The following SMAD7 variants were observed in gnomAD, a reference collection of about 807,000 sequenced individuals.
SMAD7 encodes the protein MAD (mothers against decapentaplegic, Drosophila) homolog 7.
SMAD7 carries 8 observed loss-of-function variants against 38.7 expected under a neutral mutation model. That is an observed-to-expected ratio of 0.21 (90% CI 0.12 to 0.37). The LOEUF is 0.37. SMAD7 is among the 10% of genes least tolerant of loss of function. The pLI is 1.00. For missense variants in SMAD7, 477 were observed against 577.9 expected, an observed-to-expected ratio of 0.83 and a Z score of 1.79; for synonymous variants, 327 against 265.1, an observed-to-expected ratio of 1.23 and a Z score of -2.27.
At chr18:48,926,491 A>G (rs2069930079) in intron 3 of SMAD7, among the ~76,000 whole-genome samples, 1 of 152,264 alleles carries the variant, frequency 6.6e-6, no homozygotes. Flanking sequence ...TTCCTCTGCC[A>G]AAGTCCAACA....
In SMAD7 at chr18:48,949,740, C is replaced by T; in HGVS notation, c.613+72G>A. ...CCCTGGAGGGATGGCTGCACAAACG[C>T]ACTGCCCTAGGGGCTTTTCTTCCAG... On this transcript the variant is annotated intron_variant, in intron 1 of 3. Transcript: ENST00000262158. 5 of 1,468,360 alleles carry T rather than the reference C, an allele frequency of 3.4e-6. No homozygotes were observed. The South Asian group carries it at 4.2e-5, about 12-fold the overall frequency. The allele number at this position is 1,468,360 out of a possible 1,614,324, so 91.0% of individuals were successfully genotyped here. A position where few individuals can be genotyped will look rare whatever the true frequency, so the allele number is the denominator to read the frequency against.
intron 2 of SMAD7, among the ~76,000 whole-genome samples, chr18:48,943,569 C>T (rs1236340279): frequency 3.3e-5 from 5 of 152,180 alleles, no homozygotes; most frequent in East Asian, 1.9e-4. Context: ...CCACTGGCAG[C>T]GCCAAACTCC....
rs370290833 is a variant in SMAD7, at chr18:48,922,961, C to T, written c.743-1051G>A. ...GGAGGACTTTAAAAGGGGGGTCACA[C>T]GGAGGGAAAGGGAGCCCCGGCGGCG... On this transcript the variant is annotated intron_variant, in intron 3 of 3. Transcript: ENST00000262158. 1.1e-4 allele frequency among the ~76,000 whole-genome samples: 16 copies of T among 152,240 alleles called. No individual in the cohort carries two copies. The East Asian group carries it at 1.4e-3, about 13-fold the overall frequency.
chr18:48,940,066 C>T (rs1026578836), intron 3 of SMAD7, among the ~76,000 whole-genome samples: 3 of 152,106 alleles, frequency 2.0e-5, no homozygotes, highest in African/African-American at 7.2e-5. Flanking sequence ...GAGGACAGCC[C>T]TAGGTTTTCT....
At position 48,950,439 on chromosome 18, in the gene SMAD7, C is replaced by T; in HGVS notation, c.-15G>A. On this transcript the variant is annotated 5_prime_UTR_variant, in exon 1 of 4. Transcript: ENST00000262158. ...GTCCTGAACATGCGGGGCGAGGAGG[C>T]GAGGAGAAAAGTCGTTTGCCTGCTA... 6.5e-7 allele frequency: 1 copy of T among 1,543,360 alleles called. No individual in the cohort carries two copies. The highest frequency in any genetic ancestry group is 8.7e-7 in the Non-Finnish European group (1 of 1,147,030).
At chr18:48,945,486 C>A (rs938376833) in intron 2 of SMAD7, among the ~76,000 whole-genome samples, 3 of 152,078 alleles carry the variant, frequency 2.0e-5, no homozygotes, top group Non-Finnish European at 4.4e-5. Flanking sequence ...AGCACTGCAT[C>A]GGAATCCTCA....
rs556829501 is a variant in SMAD7 at position 48,950,173 on chromosome 18, CGCGCCGGCGCCCGCGGCT to C, written c.234_251del (p.Ala80_Ala85del). 598 of 1,485,372 alleles carry C rather than the reference CGCGCCGGCGCCCGCGGCT, an allele frequency of 4.0e-4. 4 individuals carry two copies. The African/African-American group carries it at 7.9e-3, about 20-fold the overall frequency. The allele number at this position is 1,485,372 out of a possible 1,614,324, so 92.0% of individuals were successfully genotyped here. ...TCAGATCCGCCTCGGCGCCCCCGGCCGCGCCGGCGCCCGCGGCTGGCGGGTGGGGATGGTGGTGACCTT... is the reference window on the plus strand; with the variant it reads ...TCAGATCCGCCTCGGCGCCCCCGGCCGGCGGGTGGGGATGGTGGTGACCTT... On this transcript the variant is annotated inframe_deletion, in exon 1 of 4. Transcript: ENST00000262158.
chr18:48,930,417 A>C (rs2069984036), intron 3 of SMAD7, among the ~76,000 whole-genome samples: 1 of 152,150 alleles, frequency 6.6e-6, no homozygotes, highest in Non-Finnish European at 1.5e-5. Flanking sequence ...GAATAAAAGA[A>C]GAATGAAAGG....
intron 3 of SMAD7, among the ~76,000 whole-genome samples, chr18:48,937,650 C>T (rs540096401): frequency 2.6e-5 from 4 of 152,136 alleles, no homozygotes; most frequent in Non-Finnish European, 5.9e-5. Context: ...TGGGTGTGCA[C>T]CAGGTGAGCC....
chr18:48,950,348 T>C lies in SMAD7; in HGVS notation c.77A>G (p.Glu26Gly). Residue 26 changes from glutamate to glycine, a missense_variant, in exon 1 of 4, where the codon GAG (glutamate) becomes GGG (glycine). Around this residue, in one of 2 missense-constraint regions of SMAD7, gnomAD observed 376 missense variants for 379.4 expected, o/e 0.99. Coordinates refer to ENST00000262158, the MANE Select transcript of SMAD7 (RefSeq NM_005904.4). Reference sequence around the variant, plus strand: ...TCCTCCTCCACCTCCCCCTGCGCCCTCCTCCTCGTCCTCGCCGCCGGGCGC... The same window carrying C: ...TCCTCCTCCACCTCCCCCTGCGCCCCCCTCCTCGTCCTCGCCGCCGGGCGC... ...SRAPGGEDEE[E>G]GAGGGGGGGE... 1 of 1,541,734 alleles carries C rather than the reference T, an allele frequency of 6.5e-7. No homozygotes were observed. The highest frequency in any genetic ancestry group is 8.7e-7 in the Non-Finnish European group (1 of 1,143,344).
Position 48,920,460 on chromosome 18 carries a change from A to C in SMAD7, c.*912T>G, listed in dbSNP as rs1481456085. On this transcript the variant is annotated 3_prime_UTR_variant, in exon 4 of 4. Transcript: ENST00000262158. ...GCTTGCTGGCCTAATAGCAGAGCTTAACACACAGGATGGGAGCAGGCAGTG... is the reference window on the plus strand; with the variant it reads ...GCTTGCTGGCCTAATAGCAGAGCTTCACACACAGGATGGGAGCAGGCAGTG... The C allele has an allele frequency of 6.6e-6, 1 of 152,386 alleles. No homozygotes were observed. The highest frequency in any genetic ancestry group is 2.4e-5 in the African/African-American group (1 of 41,444). The allele number at this position is 152,386 out of a possible 1,614,324, so 9.4% of individuals were successfully genotyped here. A position where few individuals can be genotyped will look rare whatever the true frequency, so the allele number is the denominator to read the frequency against.
intron 3 of SMAD7, among the ~76,000 whole-genome samples, chr18:48,925,084 G>T (rs1264515894): frequency 6.6e-6 from 1 of 152,228 alleles, no homozygotes; most frequent in African/African-American, 2.4e-5. Flanking sequence ...CGGGCCACGT[G>T]TCGAGGGGCT....
At chr18:48,927,168 G>GA (rs2069938454) in intron 3 of SMAD7, among the ~76,000 whole-genome samples, 1 of 152,158 alleles carries the variant, frequency 6.6e-6, no homozygotes, top group South Asian at 2.1e-4. Context: ...CCTCATGGAG[G>GA]AAACAAACCA....
chr18:48,924,157 A>G (rs1163033366), intron 3 of SMAD7, among the ~76,000 whole-genome samples: 2 of 137,390 alleles, frequency 1.5e-5, no homozygotes, highest in African/African-American at 5.4e-5. Context: ...TATTTTCCCA[A>G]TTCGGGACAA....
intron 3 of SMAD7, among the ~76,000 whole-genome samples, chr18:48,929,567 T>TCACACACACACACACA (rs112497008): frequency 2.7e-3 from 164 of 61,768 alleles, no homozygotes; most frequent in African/African-American, 5.4e-3. Context: ...TCTCTCTCTC[T>TCACACACACACACACA]CTCACTCACA....
At position 48,950,083 on chromosome 18, in the gene SMAD7, G is replaced by C. The variant is rs1313345842; in HGVS notation, c.342C>G (p.Ala114=). 10 of 1,461,410 alleles carry C rather than the reference G, an allele frequency of 6.8e-6. No individual in the cohort carries two copies. Among genetic ancestry groups the C allele is most frequent in the Non-Finnish European group, 8.1e-6 (9 of 1,109,556 alleles). The allele number at this position is 1,461,410 out of a possible 1,614,324, so 90.5% of individuals were successfully genotyped here. Residue 114 remains alanine, a synonymous_variant, in exon 1 of 4, where the codon GCC becomes GCG. Transcript: ENST00000262158. ...TGCGCGTCCCGCCGCGGGACTCCAC[G>C]GCCTGGAGCAGCAGCTCCAGCTGCC... is the stretch of plus-strand genomic sequence containing the variant. The part of the protein sequence containing the change: ...KERQLELLLQ[A]VESRGGTRTA...
chr18:48,923,730 C>T (rs1233950934), intron 3 of SMAD7, among the ~76,000 whole-genome samples: 2 of 152,138 alleles, frequency 1.3e-5, no homozygotes, highest in Non-Finnish European at 2.9e-5. Flanking sequence ...GAAAACTGGC[C>T]GGTCACCACC....
intron 3 of SMAD7, among the ~76,000 whole-genome samples, chr18:48,922,949 A>C (rs1323007189): frequency 6.6e-6 from 1 of 152,130 alleles, no homozygotes; most frequent in Non-Finnish European, 1.5e-5. Flanking sequence ...GGACTTTAAA[A>C]GGGGGGTCAC....
At chr18:48,935,910 T>A (rs537832625) in intron 3 of SMAD7, among the ~76,000 whole-genome samples, 4 of 151,850 alleles carry the variant, frequency 2.6e-5, no homozygotes, top group Middle Eastern at 6.8e-3. Flanking sequence ...GAAACGCCCT[T>A]TCTACTAGAA....
Sources: gnomAD v4.1 joint callset for allele counts (sites outside exome capture counted in the v4.1 genomes callset) on GRCh38, gnomAD v4.1.1 for gene constraint, gnomAD v4.1.1 regional missense constraint, MANE v1.5 for transcripts, NCBI Gene and HGNC (gene_info 2026-07-23, HGNC 2026-07-21) for gene names.